ZHX3: variants seen among roughly 807,000 people sequenced by gnomAD.
ZHX3 encodes the protein zinc fingers and homeoboxes 3, also known as zinc fingers and homeoboxes protein 3.
Under a neutral mutation model 64.5 loss-of-function variants are expected in ZHX3, and 20 were observed. The ratio of observed to expected loss-of-function variants is 0.31; its 90% CI spans 0.22 to 0.45. The LOEUF (loss-of-function observed/expected upper bound fraction) is 0.45. Ranked by LOEUF, ZHX3 falls within the 20% of genes least tolerant of loss-of-function variation. The pLI is 1.00. For missense variants in ZHX3, 1,041 were observed against 1,195.8 expected (o/e 0.87, Z 1.91); for synonymous variants, 423 against 461.6 (o/e 0.92, Z 1.07).
intron 1 of ZHX3, among the ~76,000 whole-genome samples, chr20:41,294,848 A>G (rs1181832877): frequency 6.6e-6 from 1 of 151,876 alleles, no homozygotes; most frequent in Non-Finnish European, 1.5e-5. Flanking sequence ...CGCATGTGCC[A>G]TCACACCTGG....
chr20:41,281,160 T>A (rs1445987491), intron 1 of ZHX3, among the ~76,000 whole-genome samples: 1 of 152,190 alleles, frequency 6.6e-6, no homozygotes, highest in Non-Finnish European at 1.5e-5. Context: ...CAATTTCGGA[T>A]GCTAAAACAC....
At chr20:41,270,071 C>T (rs1197990485) in intron 1 of ZHX3, among the ~76,000 whole-genome samples, 1 of 152,150 alleles carries the variant, frequency 6.6e-6, no homozygotes, top group African/African-American at 2.4e-5. Flanking sequence ...GATAAGGAAA[C>T]TTGTTAGGTA....
chr20:41,297,825 G>A (rs943036647), intron 1 of ZHX3, among the ~76,000 whole-genome samples: 10 of 152,300 alleles, frequency 6.6e-5, no homozygotes, highest in African/African-American at 2.2e-4. Context: ...GTGTCCAAAG[G>A]CGAGTTAAAG....
chr20:41,201,326 AC>A lies in ZHX3; in HGVS notation c.2860+730del. ...CCCTCTGATGGGGTCTCTAATGAGA[AC>A]ACAAATGTCAAAGGGTAAGGAGGGA... On this transcript the variant is annotated intron_variant, in intron 3 of 3. Coordinates refer to ENST00000683867, the MANE Select transcript of ZHX3 (RefSeq NM_001384317.1). The surrounding 1 kb of genome is among the most constrained non-coding windows in gnomAD (Gnocchi z 5.0). 1 of 1,304,700 alleles carries A rather than the reference AC, an allele frequency of 7.7e-7. No homozygotes were observed. 80.8% of individuals were successfully genotyped at this position (1,304,700 alleles called of 1,614,324 possible). A position where few individuals can be genotyped will look rare whatever the true frequency, so the allele number is the denominator to read the frequency against.
chr20:41,252,588 C>T (rs1013851265), intron 2 of ZHX3, among the ~76,000 whole-genome samples: 1 of 152,132 alleles, frequency 6.6e-6, no homozygotes, highest in Non-Finnish European at 1.5e-5. Flanking sequence ...TTTTCAGTTT[C>T]TCTCTAACTT....
At chr20:41,261,645 A>G (rs142425197) in intron 2 of ZHX3, among the ~76,000 whole-genome samples, 87 of 152,340 alleles carry the variant, frequency 5.7e-4, no homozygotes, top group Non-Finnish European at 2.1e-4. Context: ...CCCATGCTGG[A>G]CATGTATTAC....
In ZHX3 at chr20:41,292,292, C is replaced by T. The variant is rs74669950; in HGVS notation, c.-244-23209G>A. On this transcript the variant is annotated intron_variant, in intron 1 of 3. Coordinates refer to ENST00000683867, the MANE Select transcript of ZHX3 (RefSeq NM_001384317.1). ...TATTTAGGAACCAGAATTATCTGAA[C>T]ATATTAATCAACAGTATACAGAACT... Among the ~76,000 whole-genome samples, 362 of 152,266 alleles carry T rather than the reference C, an allele frequency of 2.4e-3. 1 individual carries two copies. The highest frequency in any genetic ancestry group is 8.3e-3 in the African/African-American group (344 of 41,546).
Position 41,195,160 on chromosome 20 carries a change from C to T in ZHX3, c.2860+6897G>A, listed in dbSNP as rs1000948122. On this transcript the variant is annotated intron_variant, in intron 3 of 3. Transcript: ENST00000683867. This position sits in a 1 kb window ranked among gnomAD's most constrained non-coding sequence, Gnocchi z 4.2. ...AAGACATGGGGTCTTACGCTGTCAC[C>T]CAGGCTGGAATGCAGTGGTGCAAGT... Among the ~76,000 whole-genome samples the T allele has an allele frequency of 2.0e-5, 3 of 152,086 alleles. No individual in the cohort carries two copies. The highest frequency in any genetic ancestry group is 4.8e-5 in the African/African-American group (2 of 41,400).
chr20:41,244,714 C>CA (rs2041587372), intron 2 of ZHX3, among the ~76,000 whole-genome samples: 1 of 152,120 alleles, frequency 6.6e-6, no homozygotes, highest in African/African-American at 2.4e-5. Context: ...AGAAGACAAC[C>CA]AGGGGGAATG....
At chr20:41,285,245 T>G (rs909037225) in intron 1 of ZHX3, among the ~76,000 whole-genome samples, 3 of 152,210 alleles carry the variant, frequency 2.0e-5, no homozygotes, top group African/African-American at 7.2e-5. Context: ...GGAAGGCATT[T>G]ACATCAATAT....
In ZHX3 at chr20:41,200,375, A is replaced by C. The variant is rs1251006089; in HGVS notation, c.2860+1682T>G. 3.3e-5 allele frequency among the ~76,000 whole-genome samples: 5 copies of C among 152,200 alleles called. No homozygotes were observed. Among genetic ancestry groups the C allele is most frequent in the South Asian group, 2.1e-4 (1 of 4,832 alleles). The stretch of plus-strand genomic sequence containing the variant: ...CCCTGGCCTACTGGTATATTACAAG[A>C]AGCACAGAGCTGGGTATAATATAAG... On this transcript the variant is annotated intron_variant, in intron 3 of 3. Transcript: ENST00000683867. This position sits in a 1 kb window ranked among gnomAD's most constrained non-coding sequence, Gnocchi z 4.2.
chr20:41,291,063 T>G (rs1310213431), intron 1 of ZHX3, among the ~76,000 whole-genome samples: 1 of 152,184 alleles, frequency 6.6e-6, no homozygotes, highest in Non-Finnish European at 1.5e-5. Context: ...GTTGCTCAAT[T>G]ACAAAGTAAT....
chr20:41,299,911 A>G (rs376965594), intron 1 of ZHX3: 1 of 147,888 alleles, frequency 6.8e-6, no homozygotes, highest in South Asian at 2.1e-4. Flanking sequence ...ATGAGAGTTT[A>G]GTGACATTAA....
At chr20:41,255,447 G>A (rs758079448) in intron 2 of ZHX3, among the ~76,000 whole-genome samples, 6 of 152,254 alleles carry the variant, frequency 3.9e-5, no homozygotes, top group East Asian at 1.9e-4. Flanking sequence ...TACCACGCCC[G>A]GCAAAGGATC....
chr20:41,314,059 G>T (rs950860813), intron 1 of ZHX3, among the ~76,000 whole-genome samples: 1 of 152,048 alleles, frequency 6.6e-6, no homozygotes, highest in Non-Finnish European at 1.5e-5. Context: ...AGAAGCAACT[G>T]TTTTTTTCCA....
intron 3 of ZHX3, among the ~76,000 whole-genome samples, chr20:41,196,437 T>TATTATATATA (rs2037576813): frequency 2.7e-5 from 1 of 36,520 alleles, no homozygotes; most frequent in Non-Finnish European, 5.0e-5. Flanking sequence ...TATATAAATA[T>TATTATATATA]ATATATTATA....
rs1401684711 is a variant in ZHX3, at chr20:41,317,571, C to G, written c.-307G>C. On this transcript the variant is annotated 5_prime_UTR_variant, in exon 1 of 4. Coordinates refer to ENST00000683867, the MANE Select transcript of ZHX3 (RefSeq NM_001384317.1). ...CGCTCTTCCCGCGCTGCGGGCCTCC[C>G]TCCCCGCGGCCGGGCGGGCGGCCGG... is the stretch of plus-strand genomic sequence containing the variant. The G allele has an allele frequency of 1.4e-5, 2 of 147,330 alleles. No individual in the cohort carries two copies. The highest frequency in any genetic ancestry group is 2.0e-4 in the East Asian group (1 of 5,110). The allele number at this position is 147,330 out of a possible 1,614,324, so 9.1% of individuals were successfully genotyped here.
chr20:41,275,698 A>G (rs2043346891), intron 1 of ZHX3, among the ~76,000 whole-genome samples: 1 of 152,196 alleles, frequency 6.6e-6, no homozygotes, highest in African/African-American at 2.4e-5. Flanking sequence ...CCCTTCTAAC[A>G]TGGCAGATGG....
intron 3 of ZHX3, among the ~76,000 whole-genome samples, chr20:41,194,411 A>G (rs2037311917): frequency 6.6e-6 from 1 of 152,312 alleles, no homozygotes; most frequent in East Asian, 1.9e-4. Flanking sequence ...CTTGCATTGC[A>G]GGGATAGATC....
Sources: allele counts gnomAD v4.1 joint callset (sites outside exome capture counted in the v4.1 genomes callset), GRCh38; gene constraint gnomAD v4.1.1; non-coding constraint Gnocchi (gnomAD v3.1); transcripts MANE v1.5; gene names NCBI Gene and HGNC (gene_info 2026-07-23, HGNC 2026-07-21).